The following SLC9A2 variants were observed in gnomAD, a reference collection of about 807,000 sequenced individuals.
SLC9A2 encodes sodium/hydrogen exchanger 2.
SLC9A2 carries 42 observed loss-of-function variants against 71.7 expected under a neutral mutation model. The observed-to-expected ratio is 0.59, with a 90% CI of 0.46 to 0.76. The LOEUF (loss-of-function observed/expected upper bound fraction) is 0.76, where lower values mean the gene tolerates loss of function less well. Ranked by LOEUF, SLC9A2 falls within the 30% of genes least tolerant of loss-of-function variation. The pLI is 0.00. For synonymous variants in SLC9A2, 396 were observed against 392.5 expected, an observed-to-expected ratio of 1.01 and a Z score of -0.10; for missense variants, 829 against 1,017.4, an observed-to-expected ratio of 0.81 and a Z score of 2.52.
Position 102,632,023 on chromosome 2 carries a change from T to G in SLC9A2, c.289+11886T>G, listed in dbSNP as rs1388461162. Among the ~76,000 whole-genome samples the G allele has an allele frequency of 1.3e-4, 10 of 78,394 alleles. 1 individual carries two copies. The highest frequency in any genetic ancestry group is 3.7e-4 in the African/African-American group (9 of 24,182). 51.4% of individuals were successfully genotyped at this position (78,394 alleles called of 152,430 possible). On this transcript the variant is annotated intron_variant, in intron 1 of 11. Transcript: ENST00000233969. Reference sequence around the variant, plus strand: ...ATATATATATATATATATATATATATATATATATATATATACATACACACA... The same window carrying G: ...ATATATATATATATATATATATATAGATATATATATATATACATACACACA...
At chr2:102,633,295 G>A (rs1252540970) in intron 1 of SLC9A2, among the ~76,000 whole-genome samples, 1 of 152,084 alleles carries the variant, frequency 6.6e-6, no homozygotes, top group Non-Finnish European at 1.5e-5. Flanking sequence ...CAGAGGTGGG[G>A]CCACAGCTAG....
rs10682813 is a variant in SLC9A2 at position 102,642,042 on chromosome 2, TATAATA to T, written c.290-15502_290-15497del. On this transcript the variant is annotated intron_variant, in intron 1 of 11. Transcript: ENST00000233969. ...TGCACAAGTACCCTAGAACTTAAAA[TATAATA>T]ATAATAATAATAATAATAAAGAAAT... 2.1e-3 allele frequency among the ~76,000 whole-genome samples: 311 copies of T among 149,744 alleles called. 2 individuals are homozygous for T. Among genetic ancestry groups the T allele is most frequent in the South Asian group, 7.0e-3 (33 of 4,740 alleles).
At chr2:102,696,849 T>C (rs1267963842) in intron 7 of SLC9A2, among the ~76,000 whole-genome samples, 1 of 152,186 alleles carries the variant, frequency 6.6e-6, no homozygotes. Flanking sequence ...TGTAAAACTA[T>C]TTTTTAAATG....
chr2:102,702,632 C>G, intron 9 of SLC9A2, 130 bp downstream of exon 9: 1 of 606,472 alleles, frequency 1.6e-6, no homozygotes. Flanking sequence ...CATCTTCTCT[C>G]CTTCTGCTTC....
intron 1 of SLC9A2, among the ~76,000 whole-genome samples, chr2:102,627,793 A>G (rs1676277343): frequency 6.6e-6 from 1 of 152,158 alleles, no homozygotes; most frequent in Non-Finnish European, 1.5e-5. Context: ...AACTTAACCC[A>G]TTAATTGTTT....
intron 3 of SLC9A2, among the ~76,000 whole-genome samples, chr2:102,666,256 C>T (rs1434001662): frequency 3.6e-5 from 5 of 139,278 alleles, no homozygotes; most frequent in Admixed American, 1.6e-4. Context: ...AGTGCAGCGG[C>T]GTGATCTCGG....
intron 5 of SLC9A2, among the ~76,000 whole-genome samples, chr2:102,688,563 A>G (rs1393013647): frequency 2.0e-5 from 3 of 152,138 alleles, no homozygotes; most frequent in Non-Finnish European, 4.4e-5. Context: ...CCCTGTCTCT[A>G]CTAAAACTAC....
intron 1 of SLC9A2, among the ~76,000 whole-genome samples, chr2:102,637,615 G>A (rs1261409906): frequency 1.3e-5 from 2 of 152,156 alleles, no homozygotes; most frequent in Non-Finnish European, 2.9e-5. Flanking sequence ...GGGCAGCAGA[G>A]CCACCTACCT....
At chr2:102,627,583 G>A (rs1160734759) in intron 1 of SLC9A2, among the ~76,000 whole-genome samples, 1 of 151,942 alleles carries the variant, frequency 6.6e-6, no homozygotes, top group African/African-American at 2.4e-5. Flanking sequence ...ATGCATTTAT[G>A]TTCTCCTTTC....
intron 3 of SLC9A2, among the ~76,000 whole-genome samples, chr2:102,681,071 C>G (rs1677444650): frequency 6.6e-6 from 1 of 152,162 alleles, no homozygotes; most frequent in African/African-American, 2.4e-5. Flanking sequence ...TTGTTTGAAG[C>G]CACTCAGTTT....
intron 7 of SLC9A2, among the ~76,000 whole-genome samples, chr2:102,700,299 C>T (rs888878933): frequency 3.3e-5 from 5 of 152,090 alleles, no homozygotes; most frequent in Admixed American, 2.6e-4. Flanking sequence ...GGGTCATTGG[C>T]ATAGAGATGC....
Position 102,696,237 on chromosome 2 carries a change from G to A in SLC9A2, c.1586+1124G>A, listed in dbSNP as rs1297363948. 3.3e-5 allele frequency among the ~76,000 whole-genome samples: 5 copies of A among 152,158 alleles called. No individual in the cohort carries two copies. The East Asian group carries it at 9.7e-4, about 29-fold the overall frequency. On this transcript the variant is annotated intron_variant, in intron 7 of 11. Coordinates refer to ENST00000233969, the MANE Select transcript of SLC9A2 (RefSeq NM_003048.6). ...AATCAAGGCCCTTTTTTTTCATAGAGAAATTTGTTAAACATTTATTAGCAT... is the reference window on the plus strand; with the variant it reads ...AATCAAGGCCCTTTTTTTTCATAGAAAAATTTGTTAAACATTTATTAGCAT...
chr2:102,658,050 G>A, intron 2 of SLC9A2, 23 bp downstream of exon 2: 1 of 1,552,878 alleles, frequency 6.4e-7, no homozygotes, highest in South Asian at 1.2e-5. Flanking sequence ...CACACTGCAT[G>A]ACTCCAACAG....
At position 102,705,020 on chromosome 2, in the gene SLC9A2, G is replaced by A. The variant is rs943106551; in HGVS notation, c.1977+345G>A. The stretch of plus-strand genomic sequence containing the variant: ...AGTTCGAGACCAGCCTGGGCAACAC[G>A]GTGAAACCCCATCTCTACTAAAATA... On this transcript the variant is annotated intron_variant, in intron 10 of 11. Transcript: ENST00000233969. Among the ~76,000 whole-genome samples the A allele has an allele frequency of 3.3e-5, 5 of 152,114 alleles. No homozygotes were observed. In the South Asian group the frequency reaches 8.3e-4, roughly 25 times the overall value.
intron 1 of SLC9A2, among the ~76,000 whole-genome samples, chr2:102,646,650 G>A (rs770541302): frequency 6.6e-6 from 1 of 151,414 alleles, no homozygotes; most frequent in Non-Finnish European, 1.5e-5. Flanking sequence ...AAAAAGCAGG[G>A]GTTGCAATCC....
intron 1 of SLC9A2, among the ~76,000 whole-genome samples, chr2:102,643,030 TTGATTTCTACAGGGTCTGTAG>T (rs539236043): frequency 5.3e-4 from 80 of 152,326 alleles, no homozygotes; most frequent in Admixed American, 2.0e-3. Context: ...TGTGAACTTT[TTGATTTCTACAGGGTCTGTAG>T]TGATTTCTAC....
chr2:102,646,927 A>G (rs1238945254), intron 1 of SLC9A2, among the ~76,000 whole-genome samples: 1 of 152,036 alleles, frequency 6.6e-6, no homozygotes, highest in Non-Finnish European at 1.5e-5. Context: ...ATTAACAAGG[A>G]TAGTCAGGAC....
chr2:102,630,628 T>C (rs1033300589), intron 1 of SLC9A2, among the ~76,000 whole-genome samples: 1 of 152,014 alleles, frequency 6.6e-6, no homozygotes, highest in Non-Finnish European at 1.5e-5. Flanking sequence ...GTGGTATTTC[T>C]TGGTGATTTT....
At chr2:102,653,283 G>C (rs771706893) in intron 1 of SLC9A2, among the ~76,000 whole-genome samples, 2 of 152,150 alleles carry the variant, frequency 1.3e-5, no homozygotes, top group African/African-American at 4.8e-5. Flanking sequence ...AATGACCTGA[G>C]TACTCATAAA....
Sources: gnomAD v4.1 joint callset for allele counts (sites outside exome capture counted in the v4.1 genomes callset) on GRCh38, gnomAD v4.1.1 for gene constraint, MANE v1.5 for transcripts, NCBI Gene and HGNC (gene_info 2026-07-23, HGNC 2026-07-21) for gene names.